TRIM9: variants seen among roughly 807,000 people sequenced by gnomAD.
TRIM9 encodes the protein E3 ubiquitin-protein ligase TRIM9.
A neutral mutation model predicts 78.3 loss-of-function variants in TRIM9; 26 were observed. The observed-to-expected ratio is 0.33, with a 90% confidence interval of 0.24 to 0.46. TRIM9 has a LOEUF of 0.46. Among genes scored for constraint, TRIM9 ranks in the 20% least tolerant of loss-of-function variants. TRIM9 has a pLI of 1.00. For missense variants in TRIM9, 787 were observed against 1,036.4 expected (o/e 0.76, Z 3.30); for synonymous variants, 398 against 416.5 (o/e 0.96, Z 0.54).
intron 7 of TRIM9, among the ~76,000 whole-genome samples, chr14:50,991,747 T>C (rs556754132): frequency 1.3e-5 from 2 of 152,192 alleles, no homozygotes; most frequent in Non-Finnish European, 2.9e-5. Flanking sequence ...AAGGTACTAA[T>C]TGTAAAGACT....
intron 5 of TRIM9, among the ~76,000 whole-genome samples, chr14:51,005,325 A>G (rs1187614239): frequency 6.6e-6 from 1 of 152,180 alleles, no homozygotes; most frequent in East Asian, 1.9e-4. Flanking sequence ...ATAAAAATAA[A>G]TACACCCTTA....
rs142258610 is a variant in TRIM9, at chr14:51,009,174, T to C, written c.1212A>G (p.Thr404=). 6 of 1,613,934 alleles carry C rather than the reference T, an allele frequency of 3.7e-6. No individual in the cohort carries two copies. Among genetic ancestry groups the C allele is most frequent in the Non-Finnish European group, 4.2e-6 (5 of 1,179,976 alleles). ...AGTCCGTGGTCATCCTTGGAGTGAG[T>C]GTGCCTTTACCCCACTGATCCTCAG... is the stretch of plus-strand genomic sequence containing the variant. ...HLTEDQWGKG[T]LTPRMTTDFD... is the part of the protein sequence containing the mutation. The change falls in exon 5 of 13, where the codon ACA becomes ACG. Residue 404 remains threonine (T), a synonymous_variant. Transcript: ENST00000684578.
intron 1 of TRIM9, among the ~76,000 whole-genome samples, chr14:51,085,848 G>C (rs2063702688): frequency 6.6e-6 from 1 of 152,144 alleles, no homozygotes. Context: ...CTCCATGGTT[G>C]AGCTGGTAAA....
intron 1 of TRIM9, among the ~76,000 whole-genome samples, chr14:51,046,524 T>C (rs1032860761): frequency 6.6e-6 from 1 of 152,252 alleles, no homozygotes; most frequent in Non-Finnish European, 1.5e-5. Flanking sequence ...TACAGTCATC[T>C]GAATTCGAAA....
rs1469140842 is a variant in TRIM9 at position 51,025,179 on chromosome 14, A to C, written c.918+86T>G. ...AATAGGAATTTTCCCACGACACATA[A>C]AAATAAAAGAGGAGAAGGAAACTCT... On this transcript the variant is annotated intron_variant, in intron 2 of 12. Coordinates refer to ENST00000684578, the MANE Select transcript of TRIM9 (RefSeq NM_001387360.1). The C allele has an allele frequency of 2.4e-6, 3 of 1,234,412 alleles. No individual in the cohort carries two copies. In the African/African-American group the frequency reaches 4.5e-5, roughly 19 times the overall value. 76.5% of individuals were successfully genotyped at this position (1,234,412 alleles called of 1,614,324 possible). A position where few individuals can be genotyped will look rare whatever the true frequency, so the allele number is the denominator to read the frequency against.
chr14:50,997,165 A>G (rs2054320000), intron 7 of TRIM9: 1 of 985,464 alleles, frequency 1.0e-6, no homozygotes, highest in South Asian at 4.7e-5. Flanking sequence ...GGCACCAGCC[A>G]CAAATACCTC....
intron 1 of TRIM9, chr14:51,089,483 C>T (rs192528362): frequency 2.0e-5 from 3 of 152,244 alleles, no homozygotes; most frequent in Admixed American, 6.5e-5. Context: ...TTACTTTATG[C>T]AAACTGTGAT....
intron 1 of TRIM9, among the ~76,000 whole-genome samples, chr14:51,035,459 C>T (rs2059062737): frequency 6.6e-6 from 1 of 152,164 alleles, no homozygotes; most frequent in East Asian, 1.9e-4. Flanking sequence ...CACTTTAATA[C>T]ATACATTTCT....
At chr14:50,990,279 A>G (rs145058928) in intron 7 of TRIM9, among the ~76,000 whole-genome samples, 47 of 152,174 alleles carry the variant, frequency 3.1e-4, no homozygotes, top group Admixed American at 7.2e-4. Flanking sequence ...CAGCCTCCCC[A>G]GTGTTGAGAT....
intron 1 of TRIM9, among the ~76,000 whole-genome samples, chr14:51,030,426 C>T (rs973372528): frequency 1.3e-5 from 2 of 152,218 alleles, no homozygotes; most frequent in Non-Finnish European, 1.5e-5. Context: ...GACAGGAATC[C>T]TCCAAGACCA....
At chr14:51,092,431 T>A (rs1262511536) in intron 1 of TRIM9, among the ~76,000 whole-genome samples, 1 of 152,232 alleles carries the variant, frequency 6.6e-6, no homozygotes, top group African/African-American at 2.4e-5. Context: ...AAAATATCAA[T>A]GTTCCAGCCT....
At chr14:51,036,919 T>A (rs2139933764) in intron 1 of TRIM9, among the ~76,000 whole-genome samples, 1 of 152,376 alleles carries the variant, frequency 6.6e-6, no homozygotes, top group South Asian at 2.1e-4. Flanking sequence ...ATTGTGTATA[T>A]TTCTAGTTGT....
intron 2 of TRIM9, among the ~76,000 whole-genome samples, chr14:51,024,601 A>G (rs561345238): frequency 1.3e-5 from 2 of 152,344 alleles, no homozygotes; most frequent in African/African-American, 4.8e-5. Context: ...TCCTTCAGCT[A>G]TAGTGGAGAA....
intron 1 of TRIM9, among the ~76,000 whole-genome samples, chr14:51,093,452 A>G (rs1383187035): frequency 6.6e-6 from 1 of 152,222 alleles, no homozygotes; most frequent in African/African-American, 2.4e-5. Flanking sequence ...CCAACTCCGG[A>G]AGGGTTCAGG....
chr14:50,990,638 G>C (rs1270001351), intron 7 of TRIM9, among the ~76,000 whole-genome samples: 1 of 152,164 alleles, frequency 6.6e-6, no homozygotes, highest in Non-Finnish European at 1.5e-5. Context: ...GCTTATGATA[G>C]TGTATACTAA....
At chr14:51,031,536 T>C (rs1471431168) in intron 1 of TRIM9, among the ~76,000 whole-genome samples, 1 of 152,212 alleles carries the variant, frequency 6.6e-6, no homozygotes, top group African/African-American at 2.4e-5. Flanking sequence ...TTTTTTCACT[T>C]CTGTAACTCT....
intron 1 of TRIM9, among the ~76,000 whole-genome samples, chr14:51,040,345 C>T (rs1274724120): frequency 6.6e-6 from 1 of 152,200 alleles, no homozygotes; most frequent in Non-Finnish European, 1.5e-5. Flanking sequence ...TCTACCATCT[C>T]TCATGCCCTT....
At chr14:51,053,593 T>TAATTTTTTTTTTTTTTTTTTA (rs2060631122) in intron 1 of TRIM9, among the ~76,000 whole-genome samples, 2 of 114,990 alleles carry the variant, frequency 1.7e-5, no homozygotes, top group Non-Finnish European at 3.4e-5. Context: ...TTTTTTTTTT[T>TAATTTTTTTTTTTTTTTTTTA]AATTTTTTTT....
rs2057891637 is a variant in TRIM9, at chr14:51,022,877, C to G, written c.999G>C (p.Gln333His). ...LIDALNRRKA[Q>H]LLARVNKEHE... ...GCTCCTTGTTGACGCGGGCCAGCAGCTGGGCTTTTCTTCTGTTGAGGGCAT... is the reference window on the plus strand; with the variant it reads ...GCTCCTTGTTGACGCGGGCCAGCAGGTGGGCTTTTCTTCTGTTGAGGGCAT... Residue 333 changes from glutamine (Q) to histidine (H), a missense_variant, in exon 3 of 13, where the codon CAG (glutamine) becomes CAC (histidine). Gln to His is a conservative substitution (Grantham distance 24). This residue lies in a region of TRIM9 where 352 missense variants were observed against 472.3 expected (regional missense o/e 0.75). Coordinates refer to ENST00000684578, the MANE Select transcript of TRIM9 (RefSeq NM_001387360.1). 3 of 1,614,192 alleles carry G rather than the reference C, an allele frequency of 1.9e-6. No individual in the cohort carries two copies. The highest frequency in any genetic ancestry group is 2.5e-6 in the Non-Finnish European group (3 of 1,180,028).
Sources: allele counts gnomAD v4.1 joint callset (sites outside exome capture counted in the v4.1 genomes callset), GRCh38; gene constraint gnomAD v4.1.1; regional missense constraint gnomAD v4.1.1; transcripts MANE v1.5; gene names NCBI Gene and HGNC (gene_info 2026-07-23, HGNC 2026-07-21).